PCDHGA2: variants seen among roughly 807,000 people sequenced by gnomAD.
PCDHGA2 encodes protocadherin gamma subfamily A, 2.
In PCDHGA2, 40 loss-of-function variants were observed where a neutral mutation model predicts 59.2. The ratio of observed to expected loss-of-function variants is 0.68; its 90% CI spans 0.52 to 0.88. The LOEUF is 0.88. Ranked by LOEUF, PCDHGA2 falls within the 40% of genes least tolerant of loss-of-function variation. The pLI, the probability that PCDHGA2 is intolerant of heterozygous loss-of-function variation, is 0.00. For missense variants in PCDHGA2, 1,226 were observed against 1,204.0 expected, an observed-to-expected ratio of 1.02 and a Z score of -0.27; for synonymous variants, 560 against 526.0, an observed-to-expected ratio of 1.06 and a Z score of -0.89.
In PCDHGA2 at chr5:141,366,149, C is replaced by G. The variant is rs532159175; in HGVS notation, c.2424+24754C>G. Reference sequence around the variant, plus strand: ...AGGCCAGAACGCCTGGCTGTCCTACCGCCTGCTTAAGGCCAGCGAGCCAGG... The same window carrying G: ...AGGCCAGAACGCCTGGCTGTCCTACGGCCTGCTTAAGGCCAGCGAGCCAGG... On this transcript the variant is annotated intron_variant, in intron 1 of 3. Transcript: ENST00000394576. 1.9e-6 allele frequency: 3 copies of G among 1,614,160 alleles called. No individual in the cohort carries two copies. The African/African-American group carries it at 4.0e-5, about 22-fold the overall frequency.
At chr5:141,469,468 G>A (rs62379200) in intron 1 of PCDHGA2, among the ~76,000 whole-genome samples, 32,669 of 151,998 alleles carry the variant, frequency 0.21, 3,638 homozygotes, top group African/African-American at 0.27. Context: ...TCAGCTACTC[G>A]GGAGGCTGAG....
At chr5:141,345,228 G>C (rs992315059) in intron 1 of PCDHGA2, 14 of 1,613,812 alleles carry the variant, frequency 8.7e-6, no homozygotes, top group Non-Finnish European at 1.2e-5. Context: ...AAAATCAATA[G>C]ATCAATATTA....
In PCDHGA2 at chr5:141,414,101, A is replaced by G. The variant is rs759223225; in HGVS notation, c.2424+72706A>G. On this transcript the variant is annotated intron_variant, in intron 1 of 3. Transcript: ENST00000394576. ...TATACTGGAGAAATAAAAATATCAG[A>G]AAATCTAGATTATGAAGAAACCGGT... 1.9e-6 allele frequency: 3 copies of G among 1,593,930 alleles called. No individual in the cohort carries two copies. The African/African-American group carries it at 4.0e-5, about 21-fold the overall frequency.
intron 1 of PCDHGA2, chr5:141,418,077 T>C (rs770464447): frequency 6.8e-6 from 11 of 1,613,914 alleles, no homozygotes; most frequent in Non-Finnish European, 8.5e-6. Flanking sequence ...GCGGAGAAGC[T>C]GCACTTCAGC....
At chr5:141,404,170 G>T in intron 1 of PCDHGA2, 1 of 1,612,740 alleles carries the variant, frequency 6.2e-7, no homozygotes, top group Non-Finnish European at 8.5e-7. Flanking sequence ...GATTGTTGAC[G>T]GCCCAAATTC....
In PCDHGA2 at chr5:141,476,839, G is replaced by T; in HGVS notation, c.2425-17968G>T. The T allele has an allele frequency of 1.9e-6, 3 of 1,613,610 alleles. No individual in the cohort carries two copies. Among genetic ancestry groups the T allele is most frequent in the East Asian group, 2.2e-5 (1 of 44,862 alleles). ...AGGTGCTGGACGCGAATGACAATGC[G>T]CCTGTCTTCAACCAGTCCTTGTACC... On this transcript the variant is annotated intron_variant, in intron 1 of 3. Coordinates refer to ENST00000394576, the MANE Select transcript of PCDHGA2 (RefSeq NM_018915.4). This position sits in a 1 kb window ranked among gnomAD's most constrained non-coding sequence, Gnocchi z 7.6.
chr5:141,418,754 G>A (rs748707880), intron 1 of PCDHGA2: 1 of 1,613,926 alleles, frequency 6.2e-7, no homozygotes, highest in South Asian at 1.1e-5. Context: ...TTACACTACA[G>A]GAAACATTCT....
At chr5:141,409,030 GAT>G in intron 1 of PCDHGA2, 1 of 1,614,010 alleles carries the variant, frequency 6.2e-7, no homozygotes, top group Non-Finnish European at 8.5e-7. Context: ...TCAATGCTGA[GAT>G]AAACTACTAC....
chr5:141,394,972 A>G (rs766374618), intron 1 of PCDHGA2: 1 of 1,613,902 alleles, frequency 6.2e-7, no homozygotes, highest in Non-Finnish European at 8.5e-7. Context: ...AGGCGCTGGC[A>G]CAAGTCACGC....
At chr5:141,441,793 C>T (rs961624726) in intron 1 of PCDHGA2, 7 of 391,390 alleles carry the variant, frequency 1.8e-5, no homozygotes, top group Non-Finnish European at 3.6e-5. Flanking sequence ...AATGACAACG[C>T]ACCGCGGGTG....
At position 141,489,369 on chromosome 5, in the gene PCDHGA2, G is replaced by A. The variant is rs371328808; in HGVS notation, c.2425-5438G>A. The A allele has an allele frequency of 4.5e-5, 73 of 1,613,474 alleles. No individual in the cohort carries two copies. Among genetic ancestry groups the A allele is most frequent in the African/African-American group, 4.1e-4 (31 of 74,894 alleles). ...TGGTGGAGGAGTCTGAGCCGGGGACGCTGGTGGGGAATGTTGCTCAGGATC... is the reference window on the plus strand; with the variant it reads ...TGGTGGAGGAGTCTGAGCCGGGGACACTGGTGGGGAATGTTGCTCAGGATC... On this transcript the variant is annotated intron_variant, in intron 1 of 3. Transcript: ENST00000394576. This position sits in a 1 kb window ranked among gnomAD's most constrained non-coding sequence, Gnocchi z 4.5.
chr5:141,428,658 T>C (rs932328483), intron 1 of PCDHGA2: 1 of 165,620 alleles, frequency 6.0e-6, no homozygotes, highest in Non-Finnish European at 1.3e-5. Context: ...TGAGTTCCAA[T>C]GAATGTCTTT....
chr5:141,461,392 A>G (rs781666201), intron 1 of PCDHGA2, among the ~76,000 whole-genome samples: 18 of 152,178 alleles, frequency 1.2e-4, no homozygotes, highest in Non-Finnish European at 2.2e-4. Context: ...ATGATTAGCG[A>G]TGTTGAGCAT....
intron 1 of PCDHGA2, chr5:141,389,837 AC>A (rs2091936174): frequency 6.2e-7 from 1 of 1,613,842 alleles, no homozygotes. Flanking sequence ...GACAGCCACC[AC>A]TCTCGGCCAC....
At chr5:141,440,779 GC>G (rs2154559027) in intron 1 of PCDHGA2, 1 of 152,294 alleles carries the variant, frequency 6.6e-6, no homozygotes, top group Admixed American at 6.5e-5. Flanking sequence ...AGTGCTAGCA[GC>G]CTTAGACGGC....
At chr5:141,420,551 ATTTTTACGGCATGGT>A (rs2096505176) in intron 1 of PCDHGA2, 3 of 266,550 alleles carry the variant, frequency 1.1e-5, no homozygotes, top group Admixed American at 5.1e-5. Context: ...ATACAGGTAT[ATTTTTACGGCATGGT>A]ATTTTAATTG....
chr5:141,388,779 A>C lies in PCDHGA2; in HGVS notation c.2424+47384A>C, dbSNP rs2091486135. The C allele has an allele frequency of 4.3e-6, 7 of 1,613,974 alleles. No individual in the cohort carries two copies. In the East Asian group the frequency reaches 1.6e-4, roughly 36 times the overall value. On this transcript the variant is annotated intron_variant, in intron 1 of 3. Coordinates refer to ENST00000394576, the MANE Select transcript of PCDHGA2 (RefSeq NM_018915.4). ...TGACCTGAACTCTAACACCGGGGAAATTACTGTTTTAAATACATTAGATTT... is the reference window on the plus strand; with the variant it reads ...TGACCTGAACTCTAACACCGGGGAACTTACTGTTTTAAATACATTAGATTT...
rs1686238986 is a variant in PCDHGA2 at position 141,431,536 on chromosome 5, G to A, written c.2425-63271G>A. The A allele has an allele frequency of 6.2e-7, 1 of 1,614,070 alleles. No homozygotes were observed. Among genetic ancestry groups the A allele is most frequent in the African/African-American group, 1.3e-5 (1 of 75,064 alleles). On this transcript the variant is annotated intron_variant, in intron 1 of 3. Transcript: ENST00000394576. The surrounding 1 kb of genome is among the most constrained non-coding windows in gnomAD (Gnocchi z 4.8). ...TTCCGGAGAATCTGGCCTTGGGCAC[G>A]CAGCTGCTTGTAGTCAACGCTACCG... is the stretch of plus-strand genomic sequence containing the variant.
Position 141,431,954 on chromosome 5 carries a change from G to T in PCDHGA2, c.2425-62853G>T. On this transcript the variant is annotated intron_variant, in intron 1 of 3. Coordinates refer to ENST00000394576, the MANE Select transcript of PCDHGA2 (RefSeq NM_018915.4). The surrounding 1 kb of genome is among the most constrained non-coding windows in gnomAD (Gnocchi z 4.8). Reference sequence around the variant, plus strand: ...GCCCTTTAAATTAGAAAAATCTTACGGAAATTACTATAGTTTAGTCACAGA... The same window carrying T: ...GCCCTTTAAATTAGAAAAATCTTACTGAAATTACTATAGTTTAGTCACAGA... The T allele has an allele frequency of 6.2e-7, 1 of 1,614,110 alleles. No homozygotes were observed. Among genetic ancestry groups the T allele is most frequent in the Non-Finnish European group, 8.5e-7 (1 of 1,180,010 alleles).
Sources: allele counts gnomAD v4.1 joint callset (sites outside exome capture counted in the v4.1 genomes callset), GRCh38; gene constraint gnomAD v4.1.1; non-coding constraint Gnocchi (gnomAD v3.1); transcripts MANE v1.5; gene names NCBI Gene and HGNC (gene_info 2026-07-23, HGNC 2026-07-21).